Variants in RPN2 observed in about 807,000 individuals in gnomAD.
RPN2 encodes the protein ribophorin II, also known as dolichyl-diphosphooligosaccharide--protein glycosyltransferase subunit 2.
Under a neutral mutation model 71.4 loss-of-function variants are expected in RPN2, and 29 were observed. That is an observed-to-expected ratio of 0.41 (90% CI 0.30 to 0.55). The LOEUF (loss-of-function observed/expected upper bound fraction) is 0.55, where lower values mean the gene tolerates loss of function less well. Among genes scored for constraint, RPN2 ranks in the 20% least tolerant of loss-of-function variants. The pLI, the probability that RPN2 is intolerant of heterozygous loss-of-function variation, is 0.35. For missense variants in RPN2, 726 were observed against 774.1 expected, an observed-to-expected ratio of 0.94 and a Z score of 0.74; for synonymous variants, 308 against 305.0, an observed-to-expected ratio of 1.01 and a Z score of -0.10.
At chr20:37,207,474 G>A in intron 7 of RPN2, 25 bp downstream of exon 7, 1 of 1,611,196 alleles carries the variant, frequency 6.2e-7, no homozygotes, top group Non-Finnish European at 8.5e-7. Flanking sequence ...CCCAAAGTGT[G>A]CCCCTCTGAT....
chr20:37,210,059 A>G lies in RPN2; in HGVS notation c.880A>G (p.Asn294Asp). Reference sequence around the variant, plus strand: ...TATTTATTTCCAGTTGCAAGTCACCAATGTTCTGTCTCAGCCTCTGACTCA... The same window carrying G: ...TATTTATTTCCAGTTGCAAGTCACCGATGTTCTGTCTCAGCCTCTGACTCA... The part of the protein sequence containing the change: ...EQAILRLQVT[N>D]VLSQPLTQAT... Residue 294 changes from asparagine (N) to aspartate (D), a missense_variant, in exon 8 of 17, where the codon AAT becomes GAT. Physicochemically the swap from Asn to Asp is conservative, Grantham distance 23. Transcript: ENST00000237530. 6.2e-7 allele frequency: 1 copy of G among 1,614,072 alleles called. No homozygotes were observed. The highest frequency in any genetic ancestry group is 1.1e-5 in the South Asian group (1 of 91,084).
chr20:37,191,582 A>C (rs376289251), intron 2 of RPN2, among the ~76,000 whole-genome samples: 1 of 151,626 alleles, frequency 6.6e-6, no homozygotes. Context: ...CCTGGCTAAT[A>C]CAGTGAAACC....
intron 14 of RPN2, among the ~76,000 whole-genome samples, chr20:37,233,444 A>T (rs896911686): frequency 2.0e-5 from 3 of 152,292 alleles, no homozygotes; most frequent in Admixed American, 1.3e-4. Flanking sequence ...ATTAGATCTT[A>T]CTTTTGGAAA....
intron 11 of RPN2, among the ~76,000 whole-genome samples, chr20:37,226,076 T>TCCTC (rs934863658): frequency 1.3e-5 from 2 of 152,020 alleles, no homozygotes; most frequent in Non-Finnish European, 2.9e-5. Flanking sequence ...GGTCATTCCT[T>TCCTC]CCTCCCTCCC....
rs2067868923 is a variant in RPN2 at position 37,218,357 on chromosome 20, G to C, written c.1092+4492G>C. ...GAGCCCAGGAGTTTGAGGCTGCAGT[G>C]AACTATGATCACACTACTGCACTCT... On this transcript the variant is annotated intron_variant, in intron 9 of 16. Transcript: ENST00000237530. Among the ~76,000 whole-genome samples the C allele has an allele frequency of 2.0e-5, 3 of 151,914 alleles. No homozygotes were observed. The South Asian group carries it at 6.2e-4, about 32-fold the overall frequency.
chr20:37,200,297 A>G (rs1030446096), intron 4 of RPN2: 1 of 305,284 alleles, frequency 3.3e-6, no homozygotes, highest in Non-Finnish European at 6.8e-6. Context: ...CTGCCCAGCT[A>G]ATTTTTTTAG....
Position 37,188,209 on chromosome 20 carries a change from G to A in RPN2, c.207+3836G>A, listed in dbSNP as rs144959052. Among the ~76,000 whole-genome samples the A allele has an allele frequency of 5.8e-4, 88 of 151,858 alleles. No individual in the cohort carries two copies. The East Asian group carries it at 0.014, about 25-fold the overall frequency. On this transcript the variant is annotated intron_variant, in intron 2 of 16. Transcript: ENST00000237530. ...TTTTGAGATGAAGGCTTACTCTGTT[G>A]CCAAGCTGGAGTGCAGTGGCGCGAT... is the stretch of plus-strand genomic sequence containing the variant.
At chr20:37,224,660 C>T (rs936526246) in intron 10 of RPN2, among the ~76,000 whole-genome samples, 2 of 152,188 alleles carry the variant, frequency 1.3e-5, no homozygotes, top group African/African-American at 2.4e-5. Flanking sequence ...GAAGCCTGCT[C>T]ATCAGCCCTC....
chr20:37,194,243 G>A (rs954819377), intron 2 of RPN2, among the ~76,000 whole-genome samples: 1 of 129,784 alleles, frequency 7.7e-6, no homozygotes, highest in Non-Finnish European at 1.7e-5. Flanking sequence ...GGGGAGAGAA[G>A]GGTTGAGGGA....
intron 11 of RPN2, 38 bp from the exon 12 acceptor site, chr20:37,228,512 A>G (rs2068140154): frequency 1.3e-6 from 2 of 1,592,980 alleles, no homozygotes; most frequent in Non-Finnish European, 1.7e-6. Flanking sequence ...AGAATCTTGA[A>G]ATTATCAGAT....
chr20:37,200,015 G>A (rs2067345936), intron 4 of RPN2, among the ~76,000 whole-genome samples: 1 of 149,434 alleles, frequency 6.7e-6, no homozygotes, highest in Admixed American at 6.7e-5. Flanking sequence ...TTTTTTTTGA[G>A]ACGTGGTCTT....
chr20:37,191,619 T>A (rs958433801), intron 2 of RPN2, among the ~76,000 whole-genome samples: 24 of 150,922 alleles, frequency 1.6e-4, no homozygotes, highest in African/African-American at 5.8e-4. Flanking sequence ...TACAAAAAAA[T>A]TAGCTGGGCG....
chr20:37,235,490 A>G (rs1302789596), intron 15 of RPN2, among the ~76,000 whole-genome samples: 1 of 152,138 alleles, frequency 6.6e-6, no homozygotes, highest in African/African-American at 2.4e-5. Context: ...ACCAGGCCCC[A>G]GGGCTCTCCG....
At chr20:37,238,768 G>T (rs560974707) in intron 16 of RPN2, 3 of 605,252 alleles carry the variant, frequency 5.0e-6, no homozygotes, top group Non-Finnish European at 9.5e-6. Context: ...CTCTCTCTCT[G>T]TTTCCAGGAC....
chr20:37,228,091 C>T (rs3817884), intron 11 of RPN2, among the ~76,000 whole-genome samples: 117,264 of 151,992 alleles, frequency 0.77, 45,684 homozygotes, highest in Middle Eastern at 0.89. Context: ...TCTGCCTTAC[C>T]ATCAATACCC....
At chr20:37,235,313 TGA>T (rs1342342628) in intron 15 of RPN2, among the ~76,000 whole-genome samples, 2 of 152,204 alleles carry the variant, frequency 1.3e-5, no homozygotes, top group Admixed American at 6.5e-5. Flanking sequence ...ATAAATCTGT[TGA>T]GAGCCGTGGC....
chr20:37,179,943 AAGTT>A (rs1348104489), intron 1 of RPN2, among the ~76,000 whole-genome samples: 1 of 152,212 alleles, frequency 6.6e-6, no homozygotes, highest in African/African-American at 2.4e-5. Context: ...TCTGTAAAAT[AAGTT>A]AGTCAAATTA....
rs2067418101 is a variant in RPN2 at position 37,202,618 on chromosome 20, T to A, written c.480-1267T>A. On this transcript the variant is annotated intron_variant, in intron 4 of 16. Transcript: ENST00000237530. ...ATTTTCCAAATTATCTGTATTAAGA[T>A]AATAGAATCTAATAAGTCTTACATG... is the stretch of plus-strand genomic sequence containing the variant. 2.0e-5 allele frequency among the ~76,000 whole-genome samples: 3 copies of A among 152,362 alleles called. No individual in the cohort carries two copies. The South Asian group carries it at 6.2e-4, about 32-fold the overall frequency.
intron 15 of RPN2, among the ~76,000 whole-genome samples, chr20:37,235,545 T>C (rs1480305290): frequency 6.6e-6 from 1 of 152,234 alleles, no homozygotes; most frequent in African/African-American, 2.4e-5. Context: ...TCCTGAGTCC[T>C]CCTTGCTCCC....
Sources: allele counts gnomAD v4.1 joint callset (sites outside exome capture counted in the v4.1 genomes callset), GRCh38; gene constraint gnomAD v4.1.1; transcripts MANE v1.5; gene names NCBI Gene and HGNC (gene_info 2026-07-23, HGNC 2026-07-21).